GPHN: variants seen among roughly 807,000 people sequenced by gnomAD.
The protein encoded by GPHN is gephyrin.
In GPHN, 17 loss-of-function variants were observed where a neutral mutation model predicts 95.5. The observed-to-expected ratio is 0.18, with a 90% CI of 0.12 to 0.27. The LOEUF is 0.27. GPHN is among the 10% of genes least tolerant of loss of function. GPHN has a pLI of 1.00. For missense variants in GPHN, 660 were observed against 978.1 expected, an observed-to-expected ratio of 0.67 and a Z score of 4.34; for synonymous variants, 320 against 322.5, an observed-to-expected ratio of 0.99 and a Z score of 0.08.
the GPHN span, among the ~76,000 whole-genome samples, chr14:67,607,048 A>G: frequency 6.6e-6 from 1 of 152,190 alleles, no homozygotes. Flanking sequence ...TGGGTCTCAC[A>G]CCAAACCTAC....
In GPHN at chr14:66,776,492, A is replaced by T. The variant is rs2059386544; in HGVS notation, c.172A>T (p.Ile58Leu). Residue 58 changes from isoleucine (I) to leucine (L), a missense_variant, in exon 3 of 23, where the codon ATA becomes TTA. Transcript: ENST00000478722. ...GGGTGGGACTATATCAGCATACAAG[A>T]TAGTACCAGATGAAATAGAAGAAAT... is the stretch of plus-strand genomic sequence containing the variant. ...LLGGTISAYK[I>L]VPDEIEEIKE... 2.5e-6 allele frequency: 4 copies of T among 1,579,296 alleles called. No individual in the cohort carries two copies. Among genetic ancestry groups the T allele is most frequent in the Non-Finnish European group, 3.5e-6 (4 of 1,149,950 alleles).
chr14:66,508,168 T>TCTAG lies in GPHN; in HGVS notation c.-357_-354dup. 1 of 469,398 alleles carries TCTAG rather than the reference T, an allele frequency of 2.1e-6. No homozygotes were observed. The highest frequency in any genetic ancestry group is 3.9e-6 in the Non-Finnish European group (1 of 254,374). 29.1% of individuals were successfully genotyped at this position (469,398 alleles called of 1,614,324 possible). On this transcript the variant is annotated 5_prime_UTR_variant, in exon 1 of 23. Coordinates refer to ENST00000478722, the MANE Select transcript of GPHN (RefSeq NM_020806.5). ...CTATCCTTTCCTCTCAGTCCTGCCA[T>TCTAG]CTAGCTGCCTTGGGTCTCGCGCTCC... is the stretch of plus-strand genomic sequence containing the variant.
At chr14:66,702,520 A>C (rs2068652674) in intron 2 of GPHN, among the ~76,000 whole-genome samples, 1 of 152,172 alleles carries the variant, frequency 6.6e-6, no homozygotes, top group Admixed American at 6.5e-5. Flanking sequence ...ATAGGGCCTG[A>C]AGTGAACCCC....
chr14:67,556,011 G>A, the GPHN span: 1 of 1,265,648 alleles, frequency 7.9e-7, no homozygotes, highest in Admixed American at 2.1e-5. Context: ...CTGAACAAAT[G>A]AGTGTGCGTG....
At chr14:67,585,406 T>C in the GPHN span, 1 of 599,306 alleles carries the variant, frequency 1.7e-6, no homozygotes, top group East Asian at 2.9e-5. Flanking sequence ...CCTTGTCTAT[T>C]TCCTGCATAC....
At chr14:66,560,911 A>G (rs1486469245) in intron 1 of GPHN, among the ~76,000 whole-genome samples, 1 of 152,202 alleles carries the variant, frequency 6.6e-6, no homozygotes, top group African/African-American at 2.4e-5. Flanking sequence ...TTTGAAATAC[A>G]TCCCATCATT....
chr14:66,594,379 A>G (rs1377237792), intron 1 of GPHN, among the ~76,000 whole-genome samples: 1 of 152,236 alleles, frequency 6.6e-6, no homozygotes, highest in Admixed American at 6.5e-5. Context: ...AGTAAAAAGG[A>G]TAAAACTGGA....
the GPHN span, among the ~76,000 whole-genome samples, chr14:67,362,381 A>C: frequency 6.6e-6 from 1 of 152,200 alleles, no homozygotes; most frequent in East Asian, 1.9e-4. Context: ...TGAAAAAAAA[A>C]TTAACAAATT....
At chr14:67,685,914 GTCT>G in the GPHN span, among the ~76,000 whole-genome samples, 3 of 152,122 alleles carry the variant, frequency 2.0e-5, no homozygotes, top group Non-Finnish European at 4.4e-5. Flanking sequence ...CCTTCTTAAA[GTCT>G]TCTTTTTCAC....
At chr14:66,509,033 T>TC in intron 1 of GPHN, 2 of 225,634 alleles carry the variant, frequency 8.9e-6, no homozygotes, top group Middle Eastern at 1.7e-3. Context: ...CTCCTTCCCT[T>TC]CCCCCCACCT....
In GPHN at chr14:66,896,216, C is replaced by T. The variant is rs1483115593; in HGVS notation, c.389+16183C>T. ...TTTGGGGTAAACAAAAACATTTAGA[C>T]AATGGTAACTATATAAAACGATAAA... On this transcript the variant is annotated intron_variant, in intron 5 of 22. Transcript: ENST00000478722. 2.0e-5 allele frequency among the ~76,000 whole-genome samples: 3 copies of T among 151,990 alleles called. No individual in the cohort carries two copies. The East Asian group carries it at 5.8e-4, about 29-fold the overall frequency.
At chr14:66,559,132 C>T (rs1195465953) in intron 1 of GPHN, among the ~76,000 whole-genome samples, 1 of 152,128 alleles carries the variant, frequency 6.6e-6, no homozygotes, top group Non-Finnish European at 1.5e-5. Context: ...TTAATTCAGT[C>T]TATCATTGTT....
intron 3 of GPHN, among the ~76,000 whole-genome samples, chr14:66,777,854 A>C (rs1260484283): frequency 2.0e-5 from 3 of 152,158 alleles, no homozygotes; most frequent in South Asian, 2.1e-4. Flanking sequence ...ATGACAAACC[A>C]ACAGCCAATA....
chr14:66,631,569 A>G (rs896004471), intron 1 of GPHN, among the ~76,000 whole-genome samples: 4 of 152,152 alleles, frequency 2.6e-5, no homozygotes, highest in African/African-American at 9.7e-5. Context: ...TGACTATGTA[A>G]ATAATTGTAT....
At chr14:66,655,967 T>A (rs1252365031) in intron 1 of GPHN, among the ~76,000 whole-genome samples, 2 of 152,134 alleles carry the variant, frequency 1.3e-5, no homozygotes, top group African/African-American at 4.8e-5. Context: ...CGATATATAG[T>A]TCTTTTTATA....
chr14:67,193,895 T>C, the GPHN span, among the ~76,000 whole-genome samples: 13 of 131,636 alleles, frequency 9.9e-5, no homozygotes, highest in African/African-American at 3.6e-4. Context: ...CAGTGAGCAA[T>C]GATCACACCA....
the GPHN span, among the ~76,000 whole-genome samples, chr14:67,211,269 A>C: frequency 6.6e-6 from 1 of 152,190 alleles, no homozygotes; most frequent in Non-Finnish European, 1.5e-5. Context: ...GGTGGGAGGA[A>C]GGAAGGAAAG....
chr14:66,590,812 G>A (rs2061609581), intron 1 of GPHN, among the ~76,000 whole-genome samples: 1 of 152,008 alleles, frequency 6.6e-6, no homozygotes, highest in East Asian at 1.9e-4. Context: ...TTTGAGACCA[G>A]TATCATCCTG....
At chr14:67,588,148 T>C in the GPHN span, 1 of 152,696 alleles carries the variant, frequency 6.5e-6, no homozygotes, top group East Asian at 1.9e-4. Context: ...CACTGGACTT[T>C]AGGCCAAACC....
Sources: allele counts gnomAD v4.1 joint callset (sites outside exome capture counted in the v4.1 genomes callset), GRCh38; gene constraint gnomAD v4.1.1; transcripts MANE v1.5; gene names NCBI Gene and HGNC (gene_info 2026-07-23, HGNC 2026-07-21).